The following CYSLTR2 variants were observed in gnomAD, a reference collection of about 807,000 sequenced individuals.
CYSLTR2 encodes the protein G-protein coupled receptor GPCR21.
For missense variants in CYSLTR2, 398 were observed against 411.9 expected, an observed-to-expected ratio of 0.97 and a Z score of 0.29; for synonymous variants, 179 against 160.8, an observed-to-expected ratio of 1.11 and a Z score of -0.86.
chr13:48,699,355 A>G (rs1954280566), intron 4 of CYSLTR2, among the ~76,000 whole-genome samples: 1 of 152,224 alleles, frequency 6.6e-6, no homozygotes, highest in Non-Finnish European at 1.5e-5. Context: ...ACTAGAATTC[A>G]GGGTTAAACT....
At chr13:48,692,470 A>C (rs1041313679) in intron 2 of CYSLTR2, among the ~76,000 whole-genome samples, 8 of 151,820 alleles carry the variant, frequency 5.3e-5, no homozygotes, top group Non-Finnish European at 1.0e-4. Context: ...TTAGGCATAC[A>C]CAGATATGTA....
chr13:48,664,999 T>C (rs1206583073), intron 1 of CYSLTR2, among the ~76,000 whole-genome samples: 2 of 152,098 alleles, frequency 1.3e-5, no homozygotes, highest in Non-Finnish European at 2.9e-5. Context: ...TAGTTTTTGG[T>C]ATATTGTGTT....
At chr13:48,699,563 G>C (rs1954286307) in intron 4 of CYSLTR2, among the ~76,000 whole-genome samples, 1 of 152,158 alleles carries the variant, frequency 6.6e-6, no homozygotes, top group Non-Finnish European at 1.5e-5. Flanking sequence ...ACAAGAGAAG[G>C]CAGGAAAGAT....
chr13:48,691,931 T>C (rs750118348), intron 2 of CYSLTR2, among the ~76,000 whole-genome samples: 8 of 152,068 alleles, frequency 5.3e-5, no homozygotes, highest in Non-Finnish European at 1.2e-4. Context: ...TTTAAATTAA[T>C]TTAAATTCAA....
chr13:48,674,180 G>A (rs1953531671), intron 1 of CYSLTR2, among the ~76,000 whole-genome samples: 1 of 152,120 alleles, frequency 6.6e-6, no homozygotes, highest in South Asian at 2.1e-4. Context: ...TCTTGCTAGG[G>A]TAGGGAAGTT....
chr13:48,670,625 C>T (rs1235778993), intron 1 of CYSLTR2, among the ~76,000 whole-genome samples: 1 of 152,104 alleles, frequency 6.6e-6, no homozygotes, highest in Non-Finnish European at 1.5e-5. Context: ...ATGTTCTGTT[C>T]CATTGGTCTA....
intron 1 of CYSLTR2, among the ~76,000 whole-genome samples, chr13:48,670,014 T>G (rs1467591620): frequency 6.6e-6 from 1 of 152,266 alleles, no homozygotes; most frequent in African/African-American, 2.4e-5. Flanking sequence ...TGATTTGCAT[T>G]TCTCTAATGA....
chr13:48,692,630 G>C (rs1303736114), intron 2 of CYSLTR2, among the ~76,000 whole-genome samples: 1 of 151,122 alleles, frequency 6.6e-6, no homozygotes, highest in African/African-American at 2.4e-5. Context: ...AAATCAACAG[G>C]ATATTTATTC....
chr13:48,660,586 G>C (rs1466295021), intron 1 of CYSLTR2, among the ~76,000 whole-genome samples: 1 of 152,164 alleles, frequency 6.6e-6, no homozygotes, highest in Non-Finnish European at 1.5e-5. Flanking sequence ...TGGAAGCTCA[G>C]AGACCAGCTC....
rs890039209 is a variant in CYSLTR2 at position 48,709,994 on chromosome 13, T to C, written c.*2136T>C. On this transcript the variant is annotated 3_prime_UTR_variant, in exon 5 of 5. Transcript: ENST00000682523. The stretch of plus-strand genomic sequence containing the variant: ...GAGATTGAGATAAACTAGTCGTAAA[T>C]ACATAGAAAAATAAGCAAGTAAAAA... 1 of 152,124 alleles carries C rather than the reference T, an allele frequency of 6.6e-6. No homozygotes were observed. Among genetic ancestry groups the C allele is most frequent in the African/African-American group, 2.4e-5 (1 of 41,434 alleles). 9.4% of individuals were successfully genotyped at this position (152,124 alleles called of 1,614,324 possible).
chr13:48,695,250 A>AT (rs1186527990), intron 3 of CYSLTR2, among the ~76,000 whole-genome samples: 1 of 140,206 alleles, frequency 7.1e-6, no homozygotes, highest in African/African-American at 2.7e-5. Context: ...AATCTTTTTC[A>AT]TTTTCTTTTT....
intron 1 of CYSLTR2, among the ~76,000 whole-genome samples, chr13:48,674,585 G>C (rs979623710): frequency 3.9e-5 from 6 of 152,126 alleles, no homozygotes; most frequent in African/African-American, 1.2e-4. Flanking sequence ...TAGCTAGGAG[G>C]AGTTTGTTGT....
chr13:48,700,268 A>G (rs989119065), intron 4 of CYSLTR2, among the ~76,000 whole-genome samples: 1 of 152,172 alleles, frequency 6.6e-6, no homozygotes, highest in African/African-American at 2.4e-5. Flanking sequence ...CAAAAATCCT[A>G]AATAAAATAC....
intron 1 of CYSLTR2, among the ~76,000 whole-genome samples, chr13:48,674,604 T>C (rs1413581174): frequency 6.6e-6 from 1 of 152,216 alleles, no homozygotes; most frequent in African/African-American, 2.4e-5. Flanking sequence ...GTTACCCACC[T>C]TCTGAAGCCT....
At chr13:48,706,027 G>C (rs7325008) in intron 4 of CYSLTR2, among the ~76,000 whole-genome samples, 4,181 of 133,866 alleles carry the variant, frequency 0.031, 202 homozygotes, top group African/African-American at 0.11. Context: ...ATGGAGTTTC[G>C]CTCTTGTTGC....
chr13:48,690,194 G>A lies in CYSLTR2; in HGVS notation c.-265-1018G>A, dbSNP rs1954003220. The stretch of plus-strand genomic sequence containing the variant: ...TTGTAAATATACAGTCATGTCATCT[G>A]CAAACACAGACAATTTGACTTCCTC... On this transcript the variant is annotated intron_variant, in intron 1 of 4. Coordinates refer to ENST00000682523, the MANE Select transcript of CYSLTR2 (RefSeq NM_001308476.3). 3.3e-5 allele frequency among the ~76,000 whole-genome samples: 5 copies of A among 152,258 alleles called. No individual in the cohort carries two copies. The South Asian group carries it at 1.0e-3, about 32-fold the overall frequency.
Position 48,707,659 on chromosome 13 carries a change from A to G in CYSLTR2, c.842A>G (p.Asp281Gly). The change falls in exon 5 of 5, where the codon GAC (aspartate) becomes GGC (glycine). Residue 281 changes from aspartate (D) to glycine (G), a missense_variant. Transcript: ENST00000682523. ...LTTWKVGLCKDRLHKALVITL... is the reference protein window; with the variant it reads ...LTTWKVGLCKGRLHKALVITL... The stretch of plus-strand genomic sequence containing the variant: ...ACATGGAAAGTGGGTTTATGCAAAG[A>G]CAGACTGCATAAAGCTTTGGTTATC... 6.2e-7 allele frequency: 1 copy of G among 1,614,126 alleles called. No homozygotes were observed. Among genetic ancestry groups the G allele is most frequent in the Non-Finnish European group, 8.5e-7 (1 of 1,180,018 alleles).
At chr13:48,657,985 T>G (rs1953040212) in intron 1 of CYSLTR2, among the ~76,000 whole-genome samples, 1 of 152,150 alleles carries the variant, frequency 6.6e-6, no homozygotes, top group Non-Finnish European at 1.5e-5. Flanking sequence ...CTCTTTATTT[T>G]GAGTCTTACC....
At chr13:48,655,510 G>A (rs188596839) in intron 1 of CYSLTR2, among the ~76,000 whole-genome samples, 3 of 152,168 alleles carry the variant, frequency 2.0e-5, no homozygotes, top group Non-Finnish European at 4.4e-5. Flanking sequence ...GAGCCACAGC[G>A]CCTAAACCAC....
Sources: allele counts gnomAD v4.1 joint callset (sites outside exome capture counted in the v4.1 genomes callset), GRCh38; gene constraint gnomAD v4.1.1; transcripts MANE v1.5; gene names NCBI Gene and HGNC (gene_info 2026-07-23, HGNC 2026-07-21).